Variants in DTX2 observed in about 807,000 individuals in gnomAD.
DTX2 encodes the protein deltex E3 ubiquitin ligase 2, also known as probable E3 ubiquitin-protein ligase DTX2.
In DTX2, 29 loss-of-function variants were observed where a neutral mutation model predicts 55.3. The observed-to-expected ratio is 0.52, with a 90% CI of 0.39 to 0.71. DTX2 has a LOEUF of 0.71. Ranked by LOEUF, DTX2 falls within the 30% of genes least tolerant of loss-of-function variation. The pLI is 0.00. For synonymous variants in DTX2, 276 were observed against 340.4 expected, an observed-to-expected ratio of 0.81 and a Z score of 2.08; for missense variants, 537 against 822.5, an observed-to-expected ratio of 0.65 and a Z score of 4.25.
In DTX2 at chr7:76,480,686, G is replaced by C. The variant is rs764404421; in HGVS notation, c.177G>C (p.Leu59=). The change falls in exon 3 of 11, where the codon CTG becomes CTC. Residue 59 remains leucine, a synonymous_variant. Coordinates refer to ENST00000430490, the MANE Select transcript of DTX2 (RefSeq NM_001102594.3). ...GCCAACGTTTTGGGCTTGGGAGCCT[G>C]GCCCACAGCATCCCCTTGGGCCAGG... ...QKGQRFGLGS[L]AHSIPLGQAD... 1.2e-6 allele frequency: 2 copies of C among 1,613,696 alleles called. No individual in the cohort carries two copies. Among genetic ancestry groups the C allele is most frequent in the South Asian group, 2.2e-5 (2 of 91,066 alleles).
At position 76,480,651 on chromosome 7, in the gene DTX2, C is replaced by T. The variant is rs1247615947; in HGVS notation, c.142C>T (p.Gln48Ter). The change falls in exon 3 of 11, where the codon CAG becomes TAG. Residue 48 changes from glutamine (Q) to a stop codon, truncating the protein, a stop_gained. Coordinates refer to ENST00000430490, the MANE Select transcript of DTX2 (RefSeq NM_001102594.3). LOFTEE classifies it high-confidence loss of function. The part of the protein sequence containing the change: ...VCSFIEQQFV[Q>*]QKGQRFGLGS... ...CAGCTTCATCGAGCAGCAGTTTGTC[C>T]AGCAGAAGGGCCAACGTTTTGGGCT... 6.2e-7 allele frequency: 1 copy of T among 1,613,674 alleles called. No individual in the cohort carries two copies. The highest frequency in any genetic ancestry group is 2.2e-5 in the East Asian group (1 of 44,890).
intron 7 of DTX2, chr7:76,501,165 C>T (rs1172720503): frequency 3.7e-5 from 15 of 404,476 alleles, no homozygotes; most frequent in African/African-American, 8.3e-5. Flanking sequence ...GGTGGGTGAA[C>T]GGCCGGGAGT....
In DTX2 at chr7:76,500,126, C is replaced by G. The variant is rs1397326117; in HGVS notation, c.1151-315C>G. On this transcript the variant is annotated intron_variant, in intron 6 of 10. Transcript: ENST00000430490. ...CGCGCAGCCTCAGAAGCGCCGGGGT[C>G]GGTTCCTCACTCAATGTGCGCGGGG... The G allele has an allele frequency of 1.5e-5, 5 of 343,932 alleles. No homozygotes were observed. The East Asian group carries it at 3.0e-4, about 21-fold the overall frequency. 21.3% of individuals were successfully genotyped at this position (343,932 alleles called of 1,614,324 possible).
At position 76,505,517 on chromosome 7, in the gene DTX2, C is replaced by T. The variant is rs769884635; in HGVS notation, c.1785C>T (p.Gly595=). The T allele has an allele frequency of 1.9e-6, 3 of 1,609,522 alleles. No homozygotes were observed. Among genetic ancestry groups the T allele is most frequent in the East Asian group, 4.5e-5 (2 of 44,720 alleles). Residue 595 remains glycine, a synonymous_variant, in exon 11 of 11, where the codon GGC becomes GGT. Coordinates refer to ENST00000430490, the MANE Select transcript of DTX2 (RefSeq NM_001102594.3). The surrounding 1 kb of genome is among the most constrained non-coding windows in gnomAD (Gnocchi z 4.4). ...TGGACCGCAACATTACGGGCCACGG[C>T]TATCCCGACCCCAACTACCTGCAGA... The part of the protein sequence containing the change: ...TEMDRNITGH[G]YPDPNYLQNV...
At chr7:76,500,677 G>A (rs1316225563) in intron 7 of DTX2, among the ~76,000 whole-genome samples, 157 bp downstream of exon 7, 1 of 151,404 alleles carries the variant, frequency 6.6e-6, no homozygotes, top group Non-Finnish European at 1.5e-5. Flanking sequence ...CCAGCCTCCC[G>A]AGACCCACAT....
intron 4 of DTX2, among the ~76,000 whole-genome samples, chr7:76,489,644 A>G (rs1810219099): frequency 1.1e-5 from 1 of 93,614 alleles, no homozygotes; most frequent in Non-Finnish European, 2.2e-5. Context: ...CAACACGGTG[A>G]AACCCCTGTC....
intron 6 of DTX2, chr7:76,500,040 A>G (rs1811467770): frequency 2.6e-6 from 1 of 382,188 alleles, no homozygotes; most frequent in Admixed American, 3.1e-5. Flanking sequence ...AGTTGAATCA[A>G]ATCGTGGTGC....
chr7:76,488,559 A>T (rs200877417), intron 4 of DTX2, among the ~76,000 whole-genome samples: 2,239 of 81,190 alleles, frequency 0.028, 94 homozygotes, highest in African/African-American at 0.089. Context: ...ATGGAACCTT[A>T]GAGTTGCAGA....
chr7:76,475,391 G>A (rs1008196420), intron 2 of DTX2, among the ~76,000 whole-genome samples: 1 of 147,946 alleles, frequency 6.8e-6, no homozygotes, highest in South Asian at 2.2e-4. Context: ...ACAGAAAGAG[G>A]TAAAGAAAGA....
At chr7:76,472,509 T>C (rs1808047897) in intron 2 of DTX2, among the ~76,000 whole-genome samples, 1 of 147,642 alleles carries the variant, frequency 6.8e-6, no homozygotes. Flanking sequence ...GTATTTTTAG[T>C]AGAGACGGGA....
chr7:76,499,713 A>G (rs923814760), intron 6 of DTX2: 29 of 172,894 alleles, frequency 1.7e-4, no homozygotes, highest in South Asian at 3.4e-4. Context: ...TCACCAGCTC[A>G]GGAGCTTCTT....
Position 76,499,511 on chromosome 7 carries a change from G to A in DTX2, c.1151-930G>A, listed in dbSNP as rs375720500. Among the ~76,000 whole-genome samples the A allele has an allele frequency of 5.3e-4, 81 of 151,798 alleles. No individual in the cohort carries two copies. The East Asian group carries it at 0.014, about 26-fold the overall frequency. On this transcript the variant is annotated intron_variant, in intron 6 of 10. Coordinates refer to ENST00000430490, the MANE Select transcript of DTX2 (RefSeq NM_001102594.3). ...GCCGTGAGCTTGGATTCAAACCAGAGCCCCTTCTGGTCCTGGAGTCTGGGA... is the reference window on the plus strand; with the variant it reads ...GCCGTGAGCTTGGATTCAAACCAGAACCCCTTCTGGTCCTGGAGTCTGGGA...
chr7:76,467,667 T>A (rs1807322393), intron 2 of DTX2, among the ~76,000 whole-genome samples: 1 of 140,010 alleles, frequency 7.1e-6, no homozygotes, highest in Non-Finnish European at 1.5e-5. Context: ...TGGGTCTGGT[T>A]TGAAGTCTTT....
In DTX2 at chr7:76,502,432, G is replaced by C. The variant is rs780924836; in HGVS notation, c.1365G>C (p.Leu455=). 9.9e-6 allele frequency: 16 copies of C among 1,612,276 alleles called. No homozygotes were observed. The highest frequency in any genetic ancestry group is 1.4e-5 in the Non-Finnish European group (16 of 1,179,932). ...CSHAFHLLCL[L]AMYCNGNKDG... ...ATGCCTTCCACCTGCTGTGCCTCCT[G>C]GCCATGTACTGCAACGGCAATAAGG... The change falls in exon 8 of 11, where the codon CTG becomes CTC. Residue 455 remains leucine, a synonymous_variant. Coordinates refer to ENST00000430490, the MANE Select transcript of DTX2 (RefSeq NM_001102594.3).
At chr7:76,501,004 G>A (rs1166206820) in intron 7 of DTX2, among the ~76,000 whole-genome samples, 3 of 152,156 alleles carry the variant, frequency 2.0e-5, no homozygotes, top group Non-Finnish European at 4.4e-5. Flanking sequence ...CTGCAGCCCT[G>A]TCCTCCTGAC....
At chr7:76,467,712 G>A (rs1208161393) in intron 2 of DTX2, among the ~76,000 whole-genome samples, 6 of 146,550 alleles carry the variant, frequency 4.1e-5, no homozygotes, top group Admixed American at 3.6e-4. Flanking sequence ...AGGAGCGTAT[G>A]CATTCTCCAG....
At chr7:76,477,735 G>T (rs1584160838) in intron 2 of DTX2, among the ~76,000 whole-genome samples, 1 of 135,150 alleles carries the variant, frequency 7.4e-6, no homozygotes. Flanking sequence ...GAGACCATGG[G>T]GCTGCAGTGA....
At chr7:76,467,691 C>T (rs1353927191) in intron 2 of DTX2, among the ~76,000 whole-genome samples, 9 of 143,540 alleles carry the variant, frequency 6.3e-5, no homozygotes, top group African/African-American at 2.3e-4. Context: ...TGAACATAAC[C>T]CTTGCCTTTA....
intron 6 of DTX2, among the ~76,000 whole-genome samples, chr7:76,499,088 A>T (rs61647172): frequency 0.013 from 23 of 1,830 alleles, no homozygotes; most frequent in East Asian, 0.095. Flanking sequence ...TGGAGGTGTG[A>T]GGTGTGTGGA....
Sources: allele counts gnomAD v4.1 joint callset (sites outside exome capture counted in the v4.1 genomes callset), GRCh38; gene constraint gnomAD v4.1.1; non-coding constraint Gnocchi (gnomAD v3.1); transcripts MANE v1.5; gene names NCBI Gene and HGNC (gene_info 2026-07-23, HGNC 2026-07-21).